WWOX: variants seen among roughly 807,000 people sequenced by gnomAD.
WWOX encodes WW domain-containing oxidoreductase.
A neutral mutation model predicts 46.2 loss-of-function variants in WWOX; 69 were observed. The ratio of observed to expected loss-of-function variants is 1.49; its 90% CI spans 1.23 to 1.82. The LOEUF (loss-of-function observed/expected upper bound fraction) is 1.82. Among genes scored for constraint, WWOX ranks in the 40% most tolerant of loss-of-function variants. The pLI is 0.00. For synonymous variants in WWOX, 359 were observed against 202.6 expected (o/e 1.77, Z -6.56); for missense variants, 919 against 542.6 (o/e 1.69, Z -6.89).
intron 8 of WWOX, among the ~76,000 whole-genome samples, chr16:78,867,550 T>G (rs920508928): frequency 1.3e-5 from 2 of 148,768 alleles, no homozygotes; most frequent in Non-Finnish European, 3.0e-5. Context: ...TGTGTTTTTG[T>G]TTTTTTTTAA....
At chr16:78,920,511 G>C (rs2045354455) in intron 8 of WWOX, among the ~76,000 whole-genome samples, 1 of 152,120 alleles carries the variant, frequency 6.6e-6, no homozygotes, top group South Asian at 2.1e-4. Context: ...CCCCAACCCA[G>C]CCCTCCTTGT....
chr16:79,103,070 A>G lies in WWOX; in HGVS notation c.1057-108538A>G, dbSNP rs140435182. Among the ~76,000 whole-genome samples the G allele has an allele frequency of 5.3e-5, 8 of 151,806 alleles. No individual in the cohort carries two copies. The East Asian group carries it at 1.6e-3, about 29-fold the overall frequency. On this transcript the variant is annotated intron_variant, in intron 8 of 8. Coordinates refer to ENST00000566780, the MANE Select transcript of WWOX (RefSeq NM_016373.4). ...TTCTTGCTTTGGGCAAGTTCTCACC[A>G]TAACCCTCTGGCAAAGGCAAATATT... is the stretch of plus-strand genomic sequence containing the variant.
At chr16:78,319,464 G>C (rs2080421331) in intron 5 of WWOX, among the ~76,000 whole-genome samples, 1 of 151,906 alleles carries the variant, frequency 6.6e-6, no homozygotes, top group East Asian at 1.9e-4. Context: ...GTTTCATCAT[G>C]TTGCCCAGGC....
Position 78,702,041 on chromosome 16 carries a change from ATAT to A in WWOX, c.1056+269290_1056+269292del, listed in dbSNP as rs1567501733. On this transcript the variant is annotated intron_variant, in intron 8 of 8. Coordinates refer to ENST00000566780, the MANE Select transcript of WWOX (RefSeq NM_016373.4). Reference sequence around the variant, plus strand: ...TATATATATATATATATATATATATATATAAAATAATGCAGAAGTTTTATATAT... The same window carrying A: ...TATATATATATATATATATATATATAAAAATAATGCAGAAGTTTTATATAT... 1.4e-3 allele frequency among the ~76,000 whole-genome samples: 183 copies of A among 127,486 alleles called. 8 individuals are homozygous for A. The highest frequency in any genetic ancestry group is 5.3e-3 in the African/African-American group (154 of 29,246). 83.6% of individuals were successfully genotyped at this position (127,486 alleles called of 152,430 possible).
chr16:78,414,094 G>A (rs73571071), intron 6 of WWOX, among the ~76,000 whole-genome samples: 18,336 of 151,500 alleles, frequency 0.12, 3,238 homozygotes, highest in African/African-American at 0.39. Context: ...TCTTCCTGAG[G>A]CAGTGAGTCT....
intron 4 of WWOX, among the ~76,000 whole-genome samples, chr16:78,144,141 G>A (rs949577962): frequency 6.6e-6 from 1 of 151,762 alleles, no homozygotes; most frequent in Non-Finnish European, 1.5e-5. Context: ...TGATTATTGC[G>A]TTATTTTAAA....
At chr16:78,590,699 C>T (rs2045331008) in intron 8 of WWOX, among the ~76,000 whole-genome samples, 1 of 152,166 alleles carries the variant, frequency 6.6e-6, no homozygotes, top group African/African-American at 2.4e-5. Context: ...ATTGAGAAGG[C>T]ACATCTCTAC....
In WWOX at chr16:78,706,909, C is replaced by A. The variant is rs76229327; in HGVS notation, c.1056+274157C>A. Among the ~76,000 whole-genome samples, 63 of 152,272 alleles carry A rather than the reference C, an allele frequency of 4.1e-4. No homozygotes were observed. The East Asian group carries it at 0.011, about 27-fold the overall frequency. On this transcript the variant is annotated intron_variant, in intron 8 of 8. Coordinates refer to ENST00000566780, the MANE Select transcript of WWOX (RefSeq NM_016373.4). ...ACCTTCTGGGCCCAAGCAGTGTTCC[C>A]GCCTCGGCCTCCCAAAGTATTAGGA...
At chr16:78,925,266 T>C (rs1303205901) in intron 8 of WWOX, among the ~76,000 whole-genome samples, 2 of 152,228 alleles carry the variant, frequency 1.3e-5, no homozygotes, top group African/African-American at 4.8e-5. Flanking sequence ...GGCTGATCAT[T>C]GCTGCCACTG....
chr16:78,149,898 A>G (rs1230634513), intron 4 of WWOX, among the ~76,000 whole-genome samples: 1 of 152,098 alleles, frequency 6.6e-6, no homozygotes, highest in Non-Finnish European at 1.5e-5. Context: ...CTTCTCTCAT[A>G]CAGAGCCCTT....
chr16:79,000,256 C>T (rs1293088978), intron 8 of WWOX, among the ~76,000 whole-genome samples: 1 of 152,204 alleles, frequency 6.6e-6, no homozygotes, highest in Non-Finnish European at 1.5e-5. Flanking sequence ...AATTCTCCTC[C>T]TTCCTTTAGA....
chr16:78,877,300 C>G (rs766914467), intron 8 of WWOX, among the ~76,000 whole-genome samples: 1 of 149,348 alleles, frequency 6.7e-6, no homozygotes, highest in Non-Finnish European at 1.5e-5. Flanking sequence ...ACCCGCCTGC[C>G]TCCCCCCTGT....
intron 8 of WWOX, among the ~76,000 whole-genome samples, chr16:78,884,273 C>CAAAAAAAAA (rs71384384): frequency 1.1e-4 from 5 of 46,600 alleles, no homozygotes; most frequent in East Asian, 1.0e-3. Flanking sequence ...ACCCTGTCTC[C>CAAAAAAAAA]AAAAAAAAAA....
At chr16:78,425,170 G>A (rs549596385) in intron 7 of WWOX, 115 bp downstream of exon 7, 2 of 1,409,754 alleles carry the variant, frequency 1.4e-6, no homozygotes, top group African/African-American at 1.4e-5. Context: ...ACATGTGGGT[G>A]GACTCAGCTT....
At chr16:79,160,593 T>G (rs1248288806) in intron 8 of WWOX, among the ~76,000 whole-genome samples, 1 of 152,182 alleles carries the variant, frequency 6.6e-6, no homozygotes, top group African/African-American at 2.4e-5. Flanking sequence ...TTTATTTTGT[T>G]TTATTTTATT....
chr16:78,702,006 A>ATT (rs1291118048), intron 8 of WWOX, among the ~76,000 whole-genome samples: 2 of 40,424 alleles, frequency 4.9e-5, no homozygotes, highest in East Asian at 5.5e-4. Context: ...GCTACATAAA[A>ATT]TTATATATAT....
At chr16:78,818,200 C>G (rs1319935097) in intron 8 of WWOX, among the ~76,000 whole-genome samples, 1 of 152,196 alleles carries the variant, frequency 6.6e-6, no homozygotes, top group Non-Finnish European at 1.5e-5. Context: ...CAGGTACTCC[C>G]TGGAAAGGCT....
chr16:78,865,389 C>G (rs1472695408), intron 8 of WWOX, among the ~76,000 whole-genome samples: 1 of 152,192 alleles, frequency 6.6e-6, no homozygotes, highest in Non-Finnish European at 1.5e-5. Context: ...TAGAGGTCAA[C>G]ACCATAGATA....
At chr16:78,846,959 T>C (rs138927224) in intron 8 of WWOX, among the ~76,000 whole-genome samples, 10 of 152,246 alleles carry the variant, frequency 6.6e-5, no homozygotes, top group African/African-American at 2.4e-4. Context: ...AATACGACAG[T>C]ATTGTGATAT....
Sources: allele counts gnomAD v4.1 joint callset (sites outside exome capture counted in the v4.1 genomes callset), GRCh38; gene constraint gnomAD v4.1.1; transcripts MANE v1.5; gene names NCBI Gene and HGNC (gene_info 2026-07-23, HGNC 2026-07-21).